TMED8: variants seen among roughly 807,000 people sequenced by gnomAD.
The protein encoded by TMED8 is protein TMED8.
Under a neutral mutation model 32.7 loss-of-function variants are expected in TMED8, and 15 were observed. The ratio of observed to expected loss-of-function variants is 0.46; its 90% CI spans 0.31 to 0.71. TMED8 has a LOEUF of 0.71. Ranked by LOEUF, TMED8 falls within the 30% of genes least tolerant of loss-of-function variation. TMED8 has a pLI of 0.06. For synonymous variants in TMED8, 147 were observed against 161.4 expected (o/e 0.91, Z 0.68); for missense variants, 390 against 423.9 (o/e 0.92, Z 0.70).
intron 3 of TMED8, among the ~76,000 whole-genome samples, chr14:77,344,668 GA>G (rs1262900968): frequency 6.6e-6 from 1 of 152,162 alleles, no homozygotes; most frequent in African/African-American, 2.4e-5. Flanking sequence ...AACTCAACAA[GA>G]AAACTATACC....
Position 77,337,162 on chromosome 14 carries a change from C to T in TMED8, c.*4609G>A, listed in dbSNP as rs1434239798. The T allele has an allele frequency of 1.3e-5, 2 of 152,124 alleles. No individual in the cohort carries two copies. The highest frequency in any genetic ancestry group is 2.4e-5 in the African/African-American group (1 of 41,422). The allele number at this position is 152,124 out of a possible 1,614,324, so 9.4% of individuals were successfully genotyped here. Reference sequence around the variant, plus strand: ...AGAATGGTCTAATTCCAAATTGCTACCTACTTCCATGATAAAGCTACCTGT... The same window carrying T: ...AGAATGGTCTAATTCCAAATTGCTATCTACTTCCATGATAAAGCTACCTGT... On this transcript the variant is annotated 3_prime_UTR_variant, in exon 6 of 6. Coordinates refer to ENST00000216468, the MANE Select transcript of TMED8 (RefSeq NM_213601.3).
chr14:77,350,004 A>G (rs183580051), intron 2 of TMED8, among the ~76,000 whole-genome samples: 2 of 152,336 alleles, frequency 1.3e-5, no homozygotes, highest in East Asian at 3.9e-4. Flanking sequence ...GAATTTAGAC[A>G]AGACACTGGC....
In TMED8 at chr14:77,351,724, G is replaced by A. The variant is rs1335979042; in HGVS notation, c.146C>T (p.Thr49Ile). ...ATCGGTGGCAGAAGCCAATAAAGAG[G>A]TATCCTTGTTTTCTAGATCTTCATT... ...SENEDLENKD[T>I]SLLASATDPE... is the part of the protein sequence containing the mutation. The change falls in exon 2 of 6, where the codon ACC becomes ATC. Residue 49 changes from threonine (T) to isoleucine (I), a missense_variant. Physicochemically the swap from Thr to Ile is moderately conservative, Grantham distance 89. Transcript: ENST00000216468. The A allele has an allele frequency of 6.2e-7, 1 of 1,612,936 alleles. No individual in the cohort carries two copies. The highest frequency in any genetic ancestry group is 1.3e-5 in the African/African-American group (1 of 74,830).
intron 1 of TMED8, among the ~76,000 whole-genome samples, chr14:77,364,522 G>C (rs1893507393): frequency 6.6e-6 from 1 of 151,900 alleles, no homozygotes. Context: ...TAGGATTACA[G>C]GCATGAGCCA....
chr14:77,349,887 C>T (rs1381435114), intron 2 of TMED8, among the ~76,000 whole-genome samples: 2 of 152,184 alleles, frequency 1.3e-5, no homozygotes, highest in East Asian at 1.9e-4. Flanking sequence ...ACTCTTTCCA[C>T]GAGAGATTTG....
At chr14:77,354,771 C>T (rs374569258) in intron 1 of TMED8, among the ~76,000 whole-genome samples, 1 of 152,076 alleles carries the variant, frequency 6.6e-6, no homozygotes, top group Non-Finnish European at 1.5e-5. Flanking sequence ...CCGGCCAACA[C>T]GGCAAAACCC....
intron 1 of TMED8, among the ~76,000 whole-genome samples, chr14:77,353,318 G>C (rs1893220420): frequency 6.6e-6 from 1 of 152,102 alleles, no homozygotes; most frequent in Non-Finnish European, 1.5e-5. Context: ...TTCAAACATT[G>C]AAAGTTTCAG....
At chr14:77,352,132 T>C (rs918004493) in intron 1 of TMED8, among the ~76,000 whole-genome samples, 1 of 151,374 alleles carries the variant, frequency 6.6e-6, no homozygotes, top group African/African-American at 2.4e-5. Context: ...AGACCCTGTC[T>C]CTAAAAAAAA....
rs989874835 is a variant in TMED8, at chr14:77,341,180, G to T, written c.*591C>A. 6.5e-6 allele frequency: 1 copy of T among 153,176 alleles called. No homozygotes were observed. The highest frequency in any genetic ancestry group is 2.4e-5 in the African/African-American group (1 of 41,460). The allele number at this position is 153,176 out of a possible 1,614,324, so 9.5% of individuals were successfully genotyped here. A position where few individuals can be genotyped will look rare whatever the true frequency, so the allele number is the denominator to read the frequency against. ...AGACTTAGGAAAGAGAAAGGAGGGG[G>T]TGTCTACCATCAGGAATAGTAATAG... On this transcript the variant is annotated 3_prime_UTR_variant, in exon 6 of 6. Transcript: ENST00000216468.
Position 77,377,084 on chromosome 14 carries a change from C to T in TMED8, c.-31G>A, listed in dbSNP as rs545008118. The T allele has an allele frequency of 7.7e-7, 1 of 1,306,676 alleles. No homozygotes were observed. Among genetic ancestry groups the T allele is most frequent in the Non-Finnish European group, 9.9e-7 (1 of 1,014,742 alleles). The allele number at this position is 1,306,676 out of a possible 1,614,324, so 80.9% of individuals were successfully genotyped here. A position where few individuals can be genotyped will look rare whatever the true frequency, so the allele number is the denominator to read the frequency against. ...GCCCGCGCACGGAGCTCTCCGCTGCCAGCCGCGAGTGGCTCCGGAAACAGC... is the reference window on the plus strand; with the variant it reads ...GCCCGCGCACGGAGCTCTCCGCTGCTAGCCGCGAGTGGCTCCGGAAACAGC... On this transcript the variant is annotated 5_prime_UTR_variant, in exon 1 of 6. Transcript: ENST00000216468.
At chr14:77,355,151 G>A (rs1893264427) in intron 1 of TMED8, among the ~76,000 whole-genome samples, 1 of 108,662 alleles carries the variant, frequency 9.2e-6, no homozygotes, top group Non-Finnish European at 2.1e-5. Flanking sequence ...AAATGTATAT[G>A]TATTGTGTGT....
At chr14:77,356,414 A>G (rs1177941306) in intron 1 of TMED8, among the ~76,000 whole-genome samples, 1 of 152,232 alleles carries the variant, frequency 6.6e-6, no homozygotes, top group Non-Finnish European at 1.5e-5. Flanking sequence ...AATGTTAAAC[A>G]TATACAAAAT....
intron 1 of TMED8, among the ~76,000 whole-genome samples, chr14:77,373,307 AAAAAAC>A (rs1252817903): frequency 3.9e-5 from 6 of 151,922 alleles, no homozygotes; most frequent in Non-Finnish European, 8.8e-5. Context: ...AAACTTAAAA[AAAAAAC>A]AAAAACAAAA....
rs944566873 is a variant in TMED8 at position 77,340,953 on chromosome 14, C to G, written c.*818G>C. The G allele has an allele frequency of 6.7e-6, 1 of 149,304 alleles. No individual in the cohort carries two copies. Among genetic ancestry groups the G allele is most frequent in the Non-Finnish European group, 1.5e-5 (1 of 67,538 alleles). The allele number at this position is 149,304 out of a possible 1,614,324, so 9.2% of individuals were successfully genotyped here. On this transcript the variant is annotated 3_prime_UTR_variant, in exon 6 of 6. Transcript: ENST00000216468. ...ACCAAAAAAAAAAAAAAAAGTAACACGACTTTCAAATATGTGGGTTCTGAC... is the reference window on the plus strand; with the variant it reads ...ACCAAAAAAAAAAAAAAAAGTAACAGGACTTTCAAATATGTGGGTTCTGAC...
In TMED8 at chr14:77,376,820, C is replaced by T. The variant is rs933386413; in HGVS notation, c.118+116G>A. The T allele has an allele frequency of 1.8e-6, 1 of 557,998 alleles. No homozygotes were observed. The highest frequency in any genetic ancestry group is 2.7e-6 in the Non-Finnish European group (1 of 374,754). 34.6% of individuals were successfully genotyped at this position (557,998 alleles called of 1,614,324 possible). On this transcript the variant is annotated intron_variant, in intron 1 of 5. Transcript: ENST00000216468. The surrounding 1 kb of genome is among the most constrained non-coding windows in gnomAD (Gnocchi z 4.0). The stretch of plus-strand genomic sequence containing the variant: ...GGGGCCCCGCGCGCGAAGGGGCTGC[C>T]GAGGTGGGTCCGCTCCGCGGGGAAG...
intron 1 of TMED8, among the ~76,000 whole-genome samples, chr14:77,362,271 C>T (rs976205385): frequency 2.0e-5 from 3 of 151,938 alleles, no homozygotes; most frequent in African/African-American, 7.3e-5. Flanking sequence ...AGTGGTCATC[C>T]TTGCCTTGTG....
intron 1 of TMED8, among the ~76,000 whole-genome samples, chr14:77,358,564 T>C (rs531383199): frequency 2.1e-3 from 314 of 152,342 alleles, no homozygotes; most frequent in Non-Finnish European, 3.5e-3. Context: ...CCCAAAGTCC[T>C]GGGATTACAG....
rs1892814046 is a variant in TMED8 at position 77,338,294 on chromosome 14, TG to T, written c.*3476del. The T allele has an allele frequency of 6.6e-6, 1 of 152,212 alleles. No homozygotes were observed. The highest frequency in any genetic ancestry group is 2.1e-4 in the South Asian group (1 of 4,822). 9.4% of individuals were successfully genotyped at this position (152,212 alleles called of 1,614,324 possible). A position where few individuals can be genotyped will look rare whatever the true frequency, so the allele number is the denominator to read the frequency against. ...CAAAGCTGTCTCTTGTGGGGGAAAC[TG>T]CATTCTGTAGAGAATCTCCTTCTCT... On this transcript the variant is annotated 3_prime_UTR_variant, in exon 6 of 6. Transcript: ENST00000216468.
intron 1 of TMED8, among the ~76,000 whole-genome samples, chr14:77,375,943 C>A (rs1002319393): frequency 4.6e-5 from 7 of 152,232 alleles, no homozygotes; most frequent in African/African-American, 1.7e-4. Flanking sequence ...AGGAAACTGA[C>A]GTTTCAGACT....
Sources: gnomAD v4.1 joint callset for allele counts (sites outside exome capture counted in the v4.1 genomes callset) on GRCh38, gnomAD v4.1.1 for gene constraint, Gnocchi (gnomAD v3.1) non-coding constraint, MANE v1.5 for transcripts, NCBI Gene and HGNC (gene_info 2026-07-23, HGNC 2026-07-21) for gene names.